Variants in FILIP1 observed in about 807,000 individuals in gnomAD.
FILIP1 encodes filamin A interacting protein 1, also known as filamin-A-interacting protein 1.
FILIP1 carries 61 observed loss-of-function variants against 102.1 expected under a neutral mutation model. The observed-to-expected ratio is 0.60, with a 90% CI of 0.49 to 0.74. FILIP1 has a LOEUF of 0.74. Ranked by LOEUF, FILIP1 falls within the 30% of genes least tolerant of loss-of-function variation. FILIP1 has a pLI of 0.00. For missense variants in FILIP1, 1,314 were observed against 1,441.2 expected (o/e 0.91, Z 1.43); for synonymous variants, 491 against 526.9 (o/e 0.93, Z 0.93).
In FILIP1 at chr6:75,312,973, G is replaced by A; in HGVS notation, c.2859C>T (p.Thr953=). 1 of 1,614,120 alleles carries A rather than the reference G, an allele frequency of 6.2e-7. No homozygotes were observed. The highest frequency in any genetic ancestry group is 2.2e-5 in the East Asian group (1 of 44,868). ...GCATAACGTTTGGTGATGGAATAAT[G>A]GTTATTCTTGGTTTCTGATTCCCTA... The part of the protein sequence containing the change: ...PTLGNQKPRI[T]IIPSPNVMPQ... The change falls in exon 5 of 6, where the codon ACC becomes ACT. Residue 953 remains threonine, a synonymous_variant. Transcript: ENST00000237172.
intron 6 of FILIP1, among the ~76,000 whole-genome samples, chr6:75,298,921 A>T (rs1401434253): frequency 6.6e-6 from 1 of 152,212 alleles, no homozygotes; most frequent in Admixed American, 6.5e-5. Flanking sequence ...CAGTCTCAAA[A>T]AAAAATATTG....
intron 1 of FILIP1, among the ~76,000 whole-genome samples, chr6:75,451,606 T>C (rs1184401705): frequency 6.6e-6 from 1 of 151,336 alleles, no homozygotes; most frequent in Non-Finnish European, 1.5e-5. Context: ...CAAGGCAGTC[T>C]GATCACTCGA....
intron 2 of FILIP1, among the ~76,000 whole-genome samples, chr6:75,370,352 A>G (rs988225708): frequency 3.3e-5 from 5 of 152,154 alleles, no homozygotes; most frequent in Non-Finnish European, 7.3e-5. Flanking sequence ...TAGCGCCTAA[A>G]AGAGTGCCTG....
At chr6:75,354,260 C>T (rs1774909899) in intron 3 of FILIP1, among the ~76,000 whole-genome samples, 1 of 152,138 alleles carries the variant, frequency 6.6e-6, no homozygotes. Flanking sequence ...GTTCTACATC[C>T]TTGTCAACAT....
chr6:75,422,793 T>A (rs1777509756), intron 1 of FILIP1, among the ~76,000 whole-genome samples: 1 of 152,216 alleles, frequency 6.6e-6, no homozygotes, highest in Non-Finnish European at 1.5e-5. Context: ...GAATACATTC[T>A]TAAATAAATG....
At chr6:75,483,563 G>T (rs1015504751) in intron 1 of FILIP1, among the ~76,000 whole-genome samples, 1 of 152,106 alleles carries the variant, frequency 6.6e-6, no homozygotes, top group African/African-American at 2.4e-5. Context: ...AAGAAACAAA[G>T]TCATGAGGGG....
At chr6:75,399,501 A>T (rs1439547801) in intron 2 of FILIP1, among the ~76,000 whole-genome samples, 2 of 152,176 alleles carry the variant, frequency 1.3e-5, no homozygotes, top group Non-Finnish European at 2.9e-5. Flanking sequence ...TGTGATTTAA[A>T]ATCATTAGCT....
rs1006619109 is a variant in FILIP1, at chr6:75,483,788, C to T, written c.-7+9626G>A. Among the ~76,000 whole-genome samples, 11 of 152,212 alleles carry T rather than the reference C, an allele frequency of 7.2e-5. No individual in the cohort carries two copies. The East Asian group carries it at 1.7e-3, about 24-fold the overall frequency. ...CAACACCTTATATTTTCAGAGTGGGCTCCAGAATAGCAAAGTGATTAAGAG... is the reference window on the plus strand; with the variant it reads ...CAACACCTTATATTTTCAGAGTGGGTTCCAGAATAGCAAAGTGATTAAGAG... On this transcript the variant is annotated intron_variant, in intron 1 of 5. Transcript: ENST00000237172.
intron 1 of FILIP1, among the ~76,000 whole-genome samples, chr6:75,416,217 T>C (rs1777264295): frequency 6.6e-6 from 1 of 152,148 alleles, no homozygotes; most frequent in Non-Finnish European, 1.5e-5. Context: ...AACACAAAAA[T>C]TAACACAGTG....
chr6:75,481,450 C>T (rs945674172), intron 1 of FILIP1, among the ~76,000 whole-genome samples: 1 of 152,166 alleles, frequency 6.6e-6, no homozygotes, highest in Admixed American at 6.5e-5. Flanking sequence ...GTCTCTAGGA[C>T]TGCTCTTCCT....
At chr6:75,442,042 C>T (rs945906539) in intron 1 of FILIP1, among the ~76,000 whole-genome samples, 2 of 147,118 alleles carry the variant, frequency 1.4e-5, no homozygotes, top group Admixed American at 6.7e-5. Context: ...TGGGACGGGG[C>T]GGCTGCCGGG....
chr6:75,319,053 A>T, intron 4 of FILIP1: 1 of 712,062 alleles, frequency 1.4e-6, no homozygotes, highest in Non-Finnish European at 2.5e-6. Flanking sequence ...CATCTTCTTC[A>T]TCTTCATCTT....
chr6:75,371,859 T>C (rs1210626005), intron 2 of FILIP1, among the ~76,000 whole-genome samples: 1 of 152,184 alleles, frequency 6.6e-6, no homozygotes, highest in African/African-American at 2.4e-5. Context: ...ATAAAACTCT[T>C]AGAAATAGCA....
intron 1 of FILIP1, among the ~76,000 whole-genome samples, chr6:75,442,052 G>T (rs2149722660): frequency 6.6e-6 from 1 of 151,978 alleles, no homozygotes; most frequent in Admixed American, 6.5e-5. Context: ...CGGCTGCCGG[G>T]TGGAGGGGCT....
chr6:75,391,080 T>C (rs1422933074), intron 2 of FILIP1, among the ~76,000 whole-genome samples: 1 of 152,098 alleles, frequency 6.6e-6, no homozygotes, highest in African/African-American at 2.4e-5. Flanking sequence ...TCCAGCTTAT[T>C]CCCTCTAGAG....
intron 1 of FILIP1, among the ~76,000 whole-genome samples, chr6:75,480,085 A>AT (rs552346724): frequency 6.6e-6 from 1 of 151,240 alleles, no homozygotes; most frequent in Non-Finnish European, 1.5e-5. Context: ...TATGTTTTAA[A>AT]TTTTTTTTGT....
At chr6:75,475,119 C>T (rs901577779) in intron 1 of FILIP1, among the ~76,000 whole-genome samples, 4 of 152,104 alleles carry the variant, frequency 2.6e-5, no homozygotes, top group Admixed American at 1.3e-4. Flanking sequence ...GTCTTTATGG[C>T]AATGCGAGAA....
At position 75,410,934 on chromosome 6, in the gene FILIP1, C is replaced by T. The variant is rs559735960; in HGVS notation, c.276+3763G>A. The stretch of plus-strand genomic sequence containing the variant: ...GATTTATGATCCTTTGGGTATATAC[C>T]CAGTAATGGGATTGCTGGGTCAAAT... On this transcript the variant is annotated intron_variant, in intron 2 of 5. Transcript: ENST00000237172. 2.7e-3 allele frequency among the ~76,000 whole-genome samples: 408 copies of T among 152,164 alleles called. 3 individuals are homozygous for T. Among genetic ancestry groups the T allele is most frequent in the African/African-American group, 9.4e-3 (391 of 41,498 alleles).
intron 6 of FILIP1, chr6:75,297,106 A>G (rs900527111): frequency 6.6e-6 from 1 of 152,110 alleles, no homozygotes; most frequent in Non-Finnish European, 1.5e-5. Flanking sequence ...TATTATTAGT[A>G]CCTCCTTGTC....
Sources: allele counts gnomAD v4.1 joint callset (sites outside exome capture counted in the v4.1 genomes callset), GRCh38; gene constraint gnomAD v4.1.1; transcripts MANE v1.5; gene names NCBI Gene and HGNC (gene_info 2026-07-23, HGNC 2026-07-21).